FBXL2: variants seen among roughly 807,000 people sequenced by gnomAD.
The protein encoded by FBXL2 is F-box and leucine rich repeat protein 2.
Under a neutral mutation model 69.2 loss-of-function variants are expected in FBXL2, and 38 were observed. The observed-to-expected ratio is 0.55, with a 90% CI of 0.42 to 0.72. The LOEUF (loss-of-function observed/expected upper bound fraction) is 0.72, where lower values mean the gene tolerates loss of function less well. FBXL2 is among the 30% of genes least tolerant of loss of function. The pLI is 0.00. For synonymous variants in FBXL2, 192 were observed against 201.3 expected, an observed-to-expected ratio of 0.95 and a Z score of 0.39; for missense variants, 354 against 520.3, an observed-to-expected ratio of 0.68 and a Z score of 3.11.
intron 12 of FBXL2, among the ~76,000 whole-genome samples, chr3:33,395,464 C>T (rs2043938935): frequency 6.6e-6 from 1 of 151,164 alleles, no homozygotes; most frequent in Admixed American, 6.6e-5. Context: ...TTTTAAGGGC[C>T]ATATTTAGAG....
rs1317223283 is a variant in FBXL2 at position 33,376,087 on chromosome 3, C to T, written c.788+669C>T. 4.0e-5 allele frequency among the ~76,000 whole-genome samples: 6 copies of T among 151,124 alleles called. No homozygotes were observed. In the Admixed American group the frequency reaches 4.0e-4, roughly 10 times the overall value. On this transcript the variant is annotated intron_variant, in intron 10 of 14. Transcript: ENST00000484457. ...AGGAGAATTGCTTGAACCCGCGAGG[C>T]GGAGGTTGCAGTGAGCCAAGATTGT...
At chr3:33,397,442 G>A (rs2044046309) in intron 12 of FBXL2, 1 of 189,368 alleles carries the variant, frequency 5.3e-6, no homozygotes, top group Non-Finnish European at 1.1e-5. Context: ...CTTATTTAGT[G>A]ACTGGGTTGT....
At chr3:33,321,327 GA>G (rs1437865811) in intron 2 of FBXL2, among the ~76,000 whole-genome samples, 17 of 145,436 alleles carry the variant, frequency 1.2e-4, no homozygotes, top group African/African-American at 4.3e-4. Flanking sequence ...AAAAGAAAAA[GA>G]AAAAAGAAAA....
the FBXL2 span, chr3:33,411,747 A>T: frequency 7.6e-7 from 1 of 1,309,112 alleles, no homozygotes; most frequent in Non-Finnish European, 1.1e-6. Context: ...AAAAACTTAC[A>T]ACTTACTATA....
downstream of FBXL2, among the ~76,000 whole-genome samples, chr3:33,405,018 A>T (rs1161241501): frequency 6.6e-6 from 1 of 152,190 alleles, no homozygotes; most frequent in Admixed American, 6.5e-5. Flanking sequence ...ATTGGTACTA[A>T]TAAGTTTTAA....
chr3:33,385,921 C>CAT lies in FBXL2; in HGVS notation c.*315_*316dup. On this transcript the variant is annotated 3_prime_UTR_variant, in exon 15 of 15. Coordinates refer to ENST00000484457, the MANE Select transcript of FBXL2 (RefSeq NM_012157.5). ...CTAGGTACGAAAGTTCTACCCTTGG[C>CAT]ATACTCAGCATTCCTCAAAAAGACC... The CAT allele has an allele frequency of 3.0e-6, 1 of 337,924 alleles. No homozygotes were observed. The highest frequency in any genetic ancestry group is 4.6e-5 in the Admixed American group (1 of 21,684). 20.9% of individuals were successfully genotyped at this position (337,924 alleles called of 1,614,324 possible).
chr3:33,325,548 A>C (rs2038622111), intron 2 of FBXL2, among the ~76,000 whole-genome samples: 2 of 152,184 alleles, frequency 1.3e-5, no homozygotes, highest in African/African-American at 4.8e-5. Context: ...TTTTGAGATA[A>C]TCATGTGGTT....
At position 33,373,338 on chromosome 3, in the gene FBXL2, C is replaced by G; in HGVS notation, c.438C>G (p.Ser146Arg). ...CCTCCTGTGTGTCTATTACAAACAG[C>G]TCCTTGAAGGGGATCAGGTAAGAGT... is the stretch of plus-strand genomic sequence containing the variant. ...DLTSCVSITN[S>R]SLKGISEGCR... Residue 146 changes from serine to arginine, a missense_variant, in exon 7 of 15, where the codon AGC becomes AGG. Coordinates refer to ENST00000484457, the MANE Select transcript of FBXL2 (RefSeq NM_012157.5). The G allele has an allele frequency of 6.2e-7, 1 of 1,611,932 alleles. No homozygotes were observed. The highest frequency in any genetic ancestry group is 8.5e-7 in the Non-Finnish European group (1 of 1,178,004).
chr3:33,313,398 C>T (rs2037388947), intron 2 of FBXL2, among the ~76,000 whole-genome samples: 3 of 151,944 alleles, frequency 2.0e-5, no homozygotes, highest in Admixed American at 1.3e-4. Flanking sequence ...TTCTGTCAAA[C>T]ATTAAAAAAC....
At chr3:33,384,963 G>A (rs1232357197) in intron 14 of FBXL2, among the ~76,000 whole-genome samples, 5 of 152,242 alleles carry the variant, frequency 3.3e-5, no homozygotes, top group African/African-American at 1.2e-4. Context: ...GGGAGGTGGA[G>A]GTTGCAGTGA....
chr3:33,284,318 A>G (rs2034366568), intron 1 of FBXL2, among the ~76,000 whole-genome samples: 1 of 152,224 alleles, frequency 6.6e-6, no homozygotes, highest in South Asian at 2.1e-4. Flanking sequence ...CCCAGTAGTC[A>G]TTCAGGAGCA....
chr3:33,328,828 T>C (rs974964505), intron 2 of FBXL2, among the ~76,000 whole-genome samples: 22 of 151,138 alleles, frequency 1.5e-4, no homozygotes, highest in African/African-American at 5.2e-4. Flanking sequence ...TGTGTGTGTG[T>C]GTGTGTAAGA....
intron 2 of FBXL2, among the ~76,000 whole-genome samples, chr3:33,299,027 T>TTTTTTTTATTTATTTATTTA (rs139891956): frequency 6.8e-6 from 1 of 146,092 alleles, no homozygotes; most frequent in East Asian, 2.0e-4. Flanking sequence ...ATTTTTTTAA[T>TTTTTTTTATTTATTTATTTA]TTTATTTATT....
At chr3:33,337,212 A>G (rs1298312310) in intron 2 of FBXL2, among the ~76,000 whole-genome samples, 1 of 152,202 alleles carries the variant, frequency 6.6e-6, no homozygotes, top group Non-Finnish European at 1.5e-5. Context: ...CTCAAAAACA[A>G]ACAAACAAAC....
At chr3:33,385,455 A>G (rs781283289) in intron 14 of FBXL2, 46 bp from the exon 15 acceptor site, 2 of 1,480,520 alleles carry the variant, frequency 1.4e-6, no homozygotes, top group South Asian at 2.3e-5. Context: ...TATAATCCTA[A>G]AAATAGTAAT....
chr3:33,390,914 A>G (rs999332145), downstream of FBXL2: 1 of 152,476 alleles, frequency 6.6e-6, no homozygotes, highest in Non-Finnish European at 1.5e-5. Context: ...AAGTTTAAAA[A>G]AAAAAACAAA....
At chr3:33,409,115 GAAT>G in the FBXL2 span, 3 of 952,106 alleles carry the variant, frequency 3.2e-6, no homozygotes, top group African/African-American at 4.9e-5. Flanking sequence ...ATTTCACAGA[GAAT>G]AACATGTCAA....
intron 2 of FBXL2, among the ~76,000 whole-genome samples, chr3:33,302,385 C>T (rs940542987): frequency 2.6e-5 from 4 of 152,106 alleles, no homozygotes; most frequent in African/African-American, 9.7e-5. Context: ...AAGATAGTCT[C>T]TTGGAGGGAA....
At chr3:33,318,819 T>C (rs974634988) in intron 2 of FBXL2, among the ~76,000 whole-genome samples, 8 of 152,218 alleles carry the variant, frequency 5.3e-5, no homozygotes, top group African/African-American at 1.7e-4. Flanking sequence ...TCTGTAGTTA[T>C]TGAGGACCTT....
Sources: gnomAD v4.1 joint callset for allele counts (sites outside exome capture counted in the v4.1 genomes callset) on GRCh38, gnomAD v4.1.1 for gene constraint, MANE v1.5 for transcripts, NCBI Gene and HGNC (gene_info 2026-07-23, HGNC 2026-07-21) for gene names.